Variants in TNFRSF9 observed in about 807,000 individuals in gnomAD.
The protein encoded by TNFRSF9 is TNF receptor superfamily member 9.
In TNFRSF9, 16 loss-of-function variants were observed where a neutral mutation model predicts 28.8. The observed-to-expected ratio is 0.55, with a 90% confidence interval of 0.38 to 0.84. The LOEUF (loss-of-function observed/expected upper bound fraction) is 0.84. Among genes scored for constraint, TNFRSF9 ranks in the 40% least tolerant of loss-of-function variants. The pLI is 0.00. For synonymous variants in TNFRSF9, 131 were observed against 117.0 expected, an observed-to-expected ratio of 1.12 and a Z score of -0.77; for missense variants, 303 against 315.0, an observed-to-expected ratio of 0.96 and a Z score of 0.29.
At chr1:7,924,294 C>CATATAT (rs58569630) in intron 7 of TNFRSF9, among the ~76,000 whole-genome samples, 75 of 129,994 alleles carry the variant, frequency 5.8e-4, no homozygotes, top group African/African-American at 1.1e-3. Flanking sequence ...TAGTATATTC[C>CATATAT]ATATATATAT....
intron 3 of TNFRSF9, 135 bp downstream of exon 3, chr1:7,938,586 C>G: frequency 1.2e-6 from 1 of 829,090 alleles, no homozygotes; most frequent in Non-Finnish European, 1.9e-6. Context: ...ATATTATTGT[C>G]CTAGACCTGC....
At chr1:7,935,205 A>C in intron 5 of TNFRSF9, 62 bp from the exon 6 acceptor site, 1 of 1,563,634 alleles carries the variant, frequency 6.4e-7, no homozygotes, top group East Asian at 2.3e-5. Context: ...TTCTGGTTTA[A>C]AACTTTGTCA....
At chr1:7,926,986 G>T (rs1200608920) in intron 7 of TNFRSF9, among the ~76,000 whole-genome samples, 1 of 152,076 alleles carries the variant, frequency 6.6e-6, no homozygotes, top group African/African-American at 2.4e-5. Flanking sequence ...CACTTTGGGA[G>T]GCCAAGGCAG....
At chr1:7,935,176 T>C in intron 5 of TNFRSF9, 33 bp from the exon 6 acceptor site, 1 of 1,604,202 alleles carries the variant, frequency 6.2e-7, no homozygotes, top group Non-Finnish European at 8.5e-7. Context: ...ATTTAAATAA[T>C]TAACTTAGGT....
chr1:7,938,293 G>T lies in TNFRSF9; in HGVS notation c.246C>A (p.Ser82Arg), dbSNP rs2151420055. ...CTGGAGTGCAGTCACACTCTGCATT[G>T]CTGGTGGAGGAACACTCCTTCCTGG... ...FRTRKECSST[S>R]NAECDCTPGF... is the part of the protein sequence containing the mutation. The change falls in exon 4 of 8, where the codon AGC (serine) becomes AGA (arginine). Residue 82 changes from serine to arginine, a missense_variant. Coordinates refer to ENST00000377507, the MANE Select transcript of TNFRSF9 (RefSeq NM_001561.6). 1 of 1,609,666 alleles carries T rather than the reference G, an allele frequency of 6.2e-7. No individual in the cohort carries two copies. Among genetic ancestry groups the T allele is most frequent in the Middle Eastern group, 1.7e-4 (1 of 6,050 alleles).
chr1:7,926,863 T>G (rs1277613660), intron 7 of TNFRSF9, among the ~76,000 whole-genome samples: 1 of 152,170 alleles, frequency 6.6e-6, no homozygotes, highest in South Asian at 2.1e-4. Flanking sequence ...TGGACGTCCA[T>G]AGTCCAACAA....
intron 7 of TNFRSF9, among the ~76,000 whole-genome samples, chr1:7,930,265 G>A (rs1308956737): frequency 6.6e-6 from 1 of 152,146 alleles, no homozygotes; most frequent in Non-Finnish European, 1.5e-5. Context: ...ACAGCGCCCA[G>A]CCAGAAGGAA....
intron 2 of TNFRSF9, 38 bp downstream of exon 2, chr1:7,939,857 C>A: frequency 6.7e-7 from 1 of 1,501,098 alleles, no homozygotes; most frequent in Non-Finnish European, 9.2e-7. Context: ...ATACTTCCAA[C>A]AGAGCAGATC....
chr1:7,921,483 T>G (rs1308245080), intron 7 of TNFRSF9, among the ~76,000 whole-genome samples: 4 of 151,170 alleles, frequency 2.6e-5, no homozygotes, highest in Non-Finnish European at 5.9e-5. Flanking sequence ...CTGGCCAAGA[T>G]GGTGAAACCC....
chr1:7,928,837 C>T (rs1639690287), intron 7 of TNFRSF9, among the ~76,000 whole-genome samples: 1 of 152,186 alleles, frequency 6.6e-6, no homozygotes, highest in East Asian at 1.9e-4. Context: ...GGAGATCACG[C>T]CACTGCACTC....
rs750415022 is a variant in TNFRSF9, at chr1:7,935,060, G to C, written c.497C>G (p.Ser166Cys). The C allele has an allele frequency of 1.9e-6, 3 of 1,614,274 alleles. No homozygotes were observed. The East Asian group carries it at 6.7e-5, about 36-fold the overall frequency. The change falls in exon 6 of 8, where the codon TCT (serine) becomes TGT (cysteine). Residue 166 changes from serine (S) to cysteine (C), a missense_variant. Physicochemically the swap from Ser to Cys is moderately radical, Grantham distance 112. Transcript: ENST00000377507. ...VVCGPSPADL[S>C]PGASSVTPPA... ...CGGGGTCACAGAGGATGCTCCCGGAGAGAGGTCGGCTGGAGATGGTCCACA... is the reference window on the plus strand; with the variant it reads ...CGGGGTCACAGAGGATGCTCCCGGACAGAGGTCGGCTGGAGATGGTCCACA...
At chr1:7,932,901 T>C (rs147884778) in intron 7 of TNFRSF9, among the ~76,000 whole-genome samples, 1 of 152,270 alleles carries the variant, frequency 6.6e-6, no homozygotes, top group Non-Finnish European at 1.5e-5. Context: ...GGCTGTCCCG[T>C]GCACGGTAGG....
At chr1:7,931,092 A>G (rs1639725763) in intron 7 of TNFRSF9, among the ~76,000 whole-genome samples, 1 of 152,198 alleles carries the variant, frequency 6.6e-6, no homozygotes, top group East Asian at 1.9e-4. Flanking sequence ...CTATCCACCC[A>G]CCATATCGAT....
intron 7 of TNFRSF9, among the ~76,000 whole-genome samples, chr1:7,928,935 A>G (rs1375842757): frequency 6.6e-6 from 1 of 151,860 alleles, no homozygotes; most frequent in East Asian, 1.9e-4. Flanking sequence ...ACAAACAAAA[A>G]CCCTGACAAA....
chr1:7,933,371 T>C (rs1320719987), intron 6 of TNFRSF9, 75 bp from the exon 7 acceptor site: 2 of 1,472,244 alleles, frequency 1.4e-6, no homozygotes, highest in Non-Finnish European at 1.8e-6. Context: ...ATATTTACAT[T>C]GGTAAATTTC....
chr1:7,920,742 T>C lies in TNFRSF9; in HGVS notation c.*93A>G, dbSNP rs946217035. ...GGGGAATCCTGGGTATTATGTAGGATGGTGTTCTTGCTTTTGAAAGCTGTG... is the reference window on the plus strand; with the variant it reads ...GGGGAATCCTGGGTATTATGTAGGACGGTGTTCTTGCTTTTGAAAGCTGTG... On this transcript the variant is annotated 3_prime_UTR_variant, in exon 8 of 8. Coordinates refer to ENST00000377507, the MANE Select transcript of TNFRSF9 (RefSeq NM_001561.6). 15 of 979,426 alleles carry C rather than the reference T, an allele frequency of 1.5e-5. No individual in the cohort carries two copies. The East Asian group carries it at 3.4e-4, about 22-fold the overall frequency. 60.7% of individuals were successfully genotyped at this position (979,426 alleles called of 1,614,324 possible).
chr1:7,930,014 G>C (rs1639710412), intron 7 of TNFRSF9, among the ~76,000 whole-genome samples: 1 of 125,812 alleles, frequency 7.9e-6, no homozygotes, highest in Non-Finnish European at 1.6e-5. Flanking sequence ...TTGTTGCCCA[G>C]GCTGGAGTGC....
rs1191155617 is a variant in TNFRSF9, at chr1:7,919,343, A to G, written c.*1492T>C. 1 of 152,170 alleles carries G rather than the reference A, an allele frequency of 6.6e-6. No homozygotes were observed. Among genetic ancestry groups the G allele is most frequent in the East Asian group, 1.9e-4 (1 of 5,192 alleles). 9.4% of individuals were successfully genotyped at this position (152,170 alleles called of 1,614,324 possible). A position where few individuals can be genotyped will look rare whatever the true frequency, so the allele number is the denominator to read the frequency against. ...GACAACATGGTGAAACCCCGTCTCTACTAAAAATATAAAAATTAGCCAGGC... is the reference window on the plus strand; with the variant it reads ...GACAACATGGTGAAACCCCGTCTCTGCTAAAAATATAAAAATTAGCCAGGC... On this transcript the variant is annotated 3_prime_UTR_variant, in exon 8 of 8. Transcript: ENST00000377507.
At chr1:7,927,493 G>GC (rs1557426995) in intron 7 of TNFRSF9, among the ~76,000 whole-genome samples, 3 of 151,892 alleles carry the variant, frequency 2.0e-5, no homozygotes, top group East Asian at 3.9e-4. Flanking sequence ...TCCCGCTTTT[G>GC]CCCCCCTTTG....
Sources: allele counts gnomAD v4.1 joint callset (sites outside exome capture counted in the v4.1 genomes callset), GRCh38; gene constraint gnomAD v4.1.1; transcripts MANE v1.5; gene names NCBI Gene and HGNC (gene_info 2026-07-23, HGNC 2026-07-21).